PTPRD: variants seen among roughly 807,000 people sequenced by gnomAD.
PTPRD encodes the protein protein tyrosine phosphatase receptor type D.
A neutral mutation model predicts 214.5 loss-of-function variants in PTPRD; 34 were observed. That is an observed-to-expected ratio of 0.16 (90% CI 0.12 to 0.21). The LOEUF (loss-of-function observed/expected upper bound fraction) is 0.21. PTPRD is among the 10% of genes least tolerant of loss of function. The pLI, the probability that PTPRD is intolerant of heterozygous loss-of-function variation, is 1.00. For synonymous variants in PTPRD, 1,128 were observed against 845.7 expected, an observed-to-expected ratio of 1.33 and a Z score of -5.79; for missense variants, 2,545 against 2,398.7, an observed-to-expected ratio of 1.06 and a Z score of -1.27.
chr9:8,629,316 T>A (rs775722319), intron 14 of PTPRD, among the ~76,000 whole-genome samples: 1 of 151,948 alleles, frequency 6.6e-6, no homozygotes, highest in East Asian at 1.9e-4. Context: ...GATGGTGATA[T>A]CTCATTTTCC....
chr9:10,035,369 T>C (rs2097161234), intron 3 of PTPRD, among the ~76,000 whole-genome samples: 1 of 152,170 alleles, frequency 6.6e-6, no homozygotes, highest in Admixed American at 6.6e-5. Context: ...TGCAAAAATT[T>C]TCTCCCATTC....
chr9:8,650,226 A>G (rs1050967652), intron 12 of PTPRD, among the ~76,000 whole-genome samples: 5 of 151,858 alleles, frequency 3.3e-5, no homozygotes, highest in African/African-American at 1.2e-4. Flanking sequence ...AGGGCAACTT[A>G]TTAATAAGAA....
At chr9:8,334,942 C>T (rs1845124322) in intron 43 of PTPRD, among the ~76,000 whole-genome samples, 1 of 148,476 alleles carries the variant, frequency 6.7e-6, no homozygotes, top group Non-Finnish European at 1.5e-5. Context: ...AGACGTACAC[C>T]CTCCCAAGAC....
intron 8 of PTPRD, among the ~76,000 whole-genome samples, chr9:9,544,492 T>G (rs1301730896): frequency 6.6e-6 from 1 of 151,642 alleles, no homozygotes; most frequent in East Asian, 1.9e-4. Flanking sequence ...TAATCTCACT[T>G]GAGGGCCTAT....
At chr9:9,384,343 CTTTTTTTTTTTTTTTTTT>C (rs869246078) in intron 9 of PTPRD, among the ~76,000 whole-genome samples, 1,597 of 33,104 alleles carry the variant, frequency 0.048, 25 homozygotes, top group African/African-American at 0.078. Flanking sequence ...GAAGACTAGG[CTTTTTTTTTTTTTTTTTT>C]TTTTTTTTTT....
intron 5 of PTPRD, among the ~76,000 whole-genome samples, chr9:9,779,294 G>C (rs1004665517): frequency 3.9e-5 from 6 of 151,910 alleles, no homozygotes; most frequent in Non-Finnish European, 8.8e-5. Context: ...CATTGGCTTT[G>C]ACAAAAAAAA....
intron 2 of PTPRD, among the ~76,000 whole-genome samples, chr9:10,388,601 T>C (rs1486266615): frequency 6.6e-6 from 1 of 151,892 alleles, no homozygotes; most frequent in Non-Finnish European, 1.5e-5. Context: ...ATATTGAATT[T>C]ATCTTTGACA....
chr9:8,398,952 T>G (rs1176821160), intron 36 of PTPRD, among the ~76,000 whole-genome samples: 1 of 152,178 alleles, frequency 6.6e-6, no homozygotes, highest in Non-Finnish European at 1.5e-5. Flanking sequence ...ATCAGATTAA[T>G]AAGCACTAGT....
chr9:9,222,040 T>C (rs1160050155), intron 9 of PTPRD, among the ~76,000 whole-genome samples: 2 of 152,118 alleles, frequency 1.3e-5, no homozygotes, highest in Non-Finnish European at 2.9e-5. Flanking sequence ...GTTAATTTTG[T>C]CCATTGTGTT....
chr9:9,771,982 A>G (rs2098755549), intron 5 of PTPRD, among the ~76,000 whole-genome samples: 1 of 152,172 alleles, frequency 6.6e-6, no homozygotes, highest in Non-Finnish European at 1.5e-5. Flanking sequence ...AAGAAACTAG[A>G]AATTTCAACA....
Position 8,867,427 on chromosome 9 carries a change from T to C in PTPRD, c.-103-133481A>G, listed in dbSNP as rs370894650. Among the ~76,000 whole-genome samples the C allele has an allele frequency of 9.2e-5, 14 of 152,270 alleles. No homozygotes were observed. In the East Asian group the frequency reaches 2.3e-3, roughly 25 times the overall value. On this transcript the variant is annotated intron_variant, in intron 11 of 45. Coordinates refer to ENST00000381196, the MANE Select transcript of PTPRD (RefSeq NM_002839.4). ...TGAAAAGAACAGTTGGCACTCATGC[T>C]TTTTACTTTTCCTCCCTCAGAGAGA...
At chr9:8,411,178 G>C (rs939698703) in intron 35 of PTPRD, among the ~76,000 whole-genome samples, 1 of 151,780 alleles carries the variant, frequency 6.6e-6, no homozygotes, top group Non-Finnish European at 1.5e-5. Flanking sequence ...TGTGACTGTA[G>C]AAAAGATTAT....
At chr9:8,874,310 T>C (rs1213070930) in intron 11 of PTPRD, among the ~76,000 whole-genome samples, 8 of 152,202 alleles carry the variant, frequency 5.3e-5, no homozygotes, top group African/African-American at 1.9e-4. Flanking sequence ...GACCAGGACA[T>C]TCTTTGTTCC....
intron 8 of PTPRD, among the ~76,000 whole-genome samples, chr9:9,469,846 T>C (rs996350003): frequency 6.6e-5 from 10 of 152,194 alleles, no homozygotes; most frequent in African/African-American, 2.2e-4. Context: ...AATGCAGTCA[T>C]GGCATATGTC....
chr9:8,392,485 C>CA (rs2089934043), intron 36 of PTPRD, among the ~76,000 whole-genome samples: 1 of 152,040 alleles, frequency 6.6e-6, no homozygotes, highest in African/African-American at 2.4e-5. Context: ...ATAATTGCAC[C>CA]ACCACACTTC....
intron 11 of PTPRD, among the ~76,000 whole-genome samples, chr9:8,753,534 C>T (rs7861848): frequency 0.051 from 7,699 of 152,194 alleles, 483 homozygotes; most frequent in African/African-American, 0.15. Flanking sequence ...GTTGTATGTG[C>T]CTCTCCTTAA....
At chr9:8,754,040 G>C (rs143109899) in intron 11 of PTPRD, among the ~76,000 whole-genome samples, 161 of 152,286 alleles carry the variant, frequency 1.1e-3, no homozygotes, top group Middle Eastern at 6.8e-3. Flanking sequence ...AGCTAGTCAG[G>C]AGGCTGAAGC....
At chr9:8,322,207 C>T (rs1829065928) in intron 44 of PTPRD, among the ~76,000 whole-genome samples, 2 of 151,880 alleles carry the variant, frequency 1.3e-5, no homozygotes, top group African/African-American at 4.8e-5. Flanking sequence ...CGAAATTAGG[C>T]CAGTTAATAA....
chr9:10,104,522 T>C (rs946811335), intron 3 of PTPRD, among the ~76,000 whole-genome samples: 1 of 151,746 alleles, frequency 6.6e-6, no homozygotes, highest in Non-Finnish European at 1.5e-5. Flanking sequence ...ATGTAACTCA[T>C]AGCCAAAATT....
Sources: gnomAD v4.1 joint callset for allele counts (sites outside exome capture counted in the v4.1 genomes callset) on GRCh38, gnomAD v4.1.1 for gene constraint, MANE v1.5 for transcripts, NCBI Gene and HGNC (gene_info 2026-07-23, HGNC 2026-07-21) for gene names.